PREX1: variants seen among roughly 807,000 people sequenced by gnomAD.
The protein encoded by PREX1 is phosphatidylinositol-3,4,5-trisphosphate dependent Rac exchange factor 1.
Under a neutral mutation model 198.3 loss-of-function variants are expected in PREX1, and 41 were observed. That is an observed-to-expected ratio of 0.21 (90% CI 0.16 to 0.27). The LOEUF is 0.27. Ranked by LOEUF, PREX1 falls within the 10% of genes least tolerant of loss-of-function variation. PREX1 has a pLI of 1.00. For synonymous variants in PREX1, 843 were observed against 887.2 expected, an observed-to-expected ratio of 0.95 and a Z score of 0.89; for missense variants, 1,620 against 2,200.7, an observed-to-expected ratio of 0.74 and a Z score of 5.28.
intron 1 of PREX1, among the ~76,000 whole-genome samples, chr20:48,774,544 C>T (rs143515009): frequency 6.6e-6 from 1 of 152,342 alleles, no homozygotes; most frequent in African/African-American, 2.4e-5. Flanking sequence ...CTGGTGCCTT[C>T]ACCACTCCCT....
At chr20:48,835,662 A>C in the PREX1 span, among the ~76,000 whole-genome samples, 1 of 152,178 alleles carries the variant, frequency 6.6e-6, no homozygotes, top group East Asian at 1.9e-4. Context: ...GCAAGGGGGA[A>C]GGGTAGTTGA....
intron 1 of PREX1, among the ~76,000 whole-genome samples, chr20:48,771,315 C>T (rs1002710788): frequency 1.3e-5 from 2 of 151,190 alleles, no homozygotes; most frequent in African/African-American, 4.9e-5. Context: ...TAACCTGGTA[C>T]ATAAAAGTAT....
In PREX1 at chr20:48,649,013, G is replaced by A. The variant is rs541355102; in HGVS notation, c.3305+287C>T. ...GATAGTTTTAGCCTCACTGATGAGCGCTGCTATATCCATAATATTTCATTA... is the reference window on the plus strand; with the variant it reads ...GATAGTTTTAGCCTCACTGATGAGCACTGCTATATCCATAATATTTCATTA... On this transcript the variant is annotated intron_variant, in intron 25 of 39. Transcript: ENST00000371941. 7.9e-5 allele frequency among the ~76,000 whole-genome samples: 12 copies of A among 152,282 alleles called. 1 individual carries two copies. In the South Asian group the frequency reaches 1.9e-3, roughly 24 times the overall value.
chr20:48,626,246 C>T (rs576747363), intron 39 of PREX1, among the ~76,000 whole-genome samples: 1 of 152,270 alleles, frequency 6.6e-6, no homozygotes, highest in African/African-American at 2.4e-5. Context: ...AGCACTCTGC[C>T]CCTTACGCAG....
At chr20:48,784,500 A>T (rs1385469416) in intron 1 of PREX1, among the ~76,000 whole-genome samples, 1 of 152,146 alleles carries the variant, frequency 6.6e-6, no homozygotes, top group Non-Finnish European at 1.5e-5. Context: ...CATTCTCAAT[A>T]TTGCTATGTT....
At chr20:48,689,287 A>G (rs2089804028) in intron 9 of PREX1, among the ~76,000 whole-genome samples, 1 of 152,098 alleles carries the variant, frequency 6.6e-6, no homozygotes, top group African/African-American at 2.4e-5. Flanking sequence ...TTTGACCCCC[A>G]TCTAATTTTG....
chr20:48,670,818 AC>A (rs773953150), intron 14 of PREX1, among the ~76,000 whole-genome samples: 10 of 152,110 alleles, frequency 6.6e-5, no homozygotes, highest in Non-Finnish European at 1.2e-4. Flanking sequence ...CATCAGGACA[AC>A]CCCTGCCACA....
intron 1 of PREX1, among the ~76,000 whole-genome samples, chr20:48,807,448 T>C (rs1396774956): frequency 1.3e-5 from 2 of 152,216 alleles, no homozygotes; most frequent in African/African-American, 4.8e-5. Context: ...TACCCCAACA[T>C]GTGGATCAAC....
chr20:48,646,675 C>CAA (rs552888256), intron 25 of PREX1, among the ~76,000 whole-genome samples: 27 of 82,536 alleles, frequency 3.3e-4, no homozygotes, highest in Admixed American at 6.1e-4. Flanking sequence ...GAACCCATCT[C>CAA]AAAAAAAAAA....
At chr20:48,842,553 C>T in the PREX1 span, among the ~76,000 whole-genome samples, 3 of 151,402 alleles carry the variant, frequency 2.0e-5, no homozygotes, top group Admixed American at 6.6e-5. Flanking sequence ...TGCAGTGAAC[C>T]GTGATTGTGC....
intron 7 of PREX1, among the ~76,000 whole-genome samples, chr20:48,696,630 TACATACATACA>T (rs1568828602): frequency 6.7e-6 from 1 of 149,982 alleles, no homozygotes; most frequent in East Asian, 2.0e-4. Context: ...CATACATACA[TACATACATACA>T]CACATACACA....
At chr20:48,719,811 C>T (rs2089977713) in intron 5 of PREX1, among the ~76,000 whole-genome samples, 1 of 152,136 alleles carries the variant, frequency 6.6e-6, no homozygotes, top group Non-Finnish European at 1.5e-5. Flanking sequence ...ATCCTGACCA[C>T]CCCACGGTCC....
intron 5 of PREX1, among the ~76,000 whole-genome samples, chr20:48,721,486 G>A (rs2089985082): frequency 6.6e-6 from 1 of 152,204 alleles, no homozygotes; most frequent in Non-Finnish European, 1.5e-5. Flanking sequence ...AGAAGAAAGA[G>A]CAGGTGCAAA....
At chr20:48,758,719 C>T (rs1030554276) in intron 1 of PREX1, among the ~76,000 whole-genome samples, 11 of 152,230 alleles carry the variant, frequency 7.2e-5, no homozygotes, top group Admixed American at 6.5e-4. Flanking sequence ...GAGCAAACAG[C>T]ATTGCGTGTA....
intron 1 of PREX1, among the ~76,000 whole-genome samples, chr20:48,809,010 C>T (rs2090423598): frequency 6.6e-6 from 1 of 152,226 alleles, no homozygotes; most frequent in Non-Finnish European, 1.5e-5. Context: ...GGGAACCTTT[C>T]TGAGCCTCTG....
chr20:48,703,279 C>T (rs1384249907), intron 6 of PREX1, among the ~76,000 whole-genome samples: 1 of 152,242 alleles, frequency 6.6e-6, no homozygotes, highest in African/African-American at 2.4e-5. Flanking sequence ...GAAGCAGCTT[C>T]CTTGTGGTCG....
intron 5 of PREX1, among the ~76,000 whole-genome samples, chr20:48,723,363 G>C (rs778870610): frequency 6.6e-6 from 1 of 152,218 alleles, no homozygotes; most frequent in Non-Finnish European, 1.5e-5. Context: ...AAATGTGACA[G>C]AAAGAAGGAA....
chr20:48,653,505 G>C lies in PREX1; in HGVS notation c.2210-8C>G. 6.2e-7 allele frequency: 1 copy of C among 1,602,756 alleles called. No individual in the cohort carries two copies. The highest frequency in any genetic ancestry group is 8.5e-7 in the Non-Finnish European group (1 of 1,172,434). On this transcript the variant is annotated splice_polypyrimidine_tract_variant and splice_region_variant and intron_variant, in intron 19 of 39. Coordinates refer to ENST00000371941, the MANE Select transcript of PREX1 (RefSeq NM_020820.4). ...CAGCCATGGCCTCAGAGCCTAAGGG[G>C]AACAGGAGCACATGAGGCTGGATGC... is the stretch of plus-strand genomic sequence containing the variant.
chr20:48,797,543 C>G (rs1207062744), intron 1 of PREX1, among the ~76,000 whole-genome samples: 1 of 152,116 alleles, frequency 6.6e-6, no homozygotes, highest in African/African-American at 2.4e-5. Context: ...TCCCATCCCC[C>G]CAAAAAAGAG....
Sources: allele counts gnomAD v4.1 joint callset (sites outside exome capture counted in the v4.1 genomes callset), GRCh38; gene constraint gnomAD v4.1.1; transcripts MANE v1.5; gene names NCBI Gene and HGNC (gene_info 2026-07-23, HGNC 2026-07-21).